Variants in CRISP3 observed in about 807,000 individuals in gnomAD.
CRISP3 encodes cysteine-rich secretory protein 3.
A neutral mutation model predicts 36.1 loss-of-function variants in CRISP3; 33 were observed. That is an observed-to-expected ratio of 0.91 (90% CI 0.69 to 1.22). CRISP3 has a LOEUF of 1.22. Among genes scored for constraint, CRISP3 ranks in the 50% most tolerant of loss-of-function variants. The probability of loss-of-function intolerance (pLI) is 0.00; values close to 1 mark genes in which losing one functional copy is unlikely to be tolerated. For missense variants in CRISP3, 330 were observed against 301.2 expected, an observed-to-expected ratio of 1.10 and a Z score of -0.71; for synonymous variants, 117 against 104.6, an observed-to-expected ratio of 1.12 and a Z score of -0.72.
In CRISP3 at chr6:49,741,967, G is replaced by A. The variant is rs1769217303; in HGVS notation, c.37+2364C>T. ...CGTAAAATTGTTATTGTTTTCAAAT[G>A]ATAAGATCATCTATCTGGAGAACAC... On this transcript the variant is annotated intron_variant, in intron 1 of 7. Transcript: ENST00000263045. Among the ~76,000 whole-genome samples, 3 of 149,902 alleles carry A rather than the reference G, an allele frequency of 2.0e-5. No homozygotes were observed. The South Asian group carries it at 6.3e-4, about 31-fold the overall frequency.
intron 4 of CRISP3, 150 bp downstream of exon 4, chr6:49,735,354 C>T (rs1228013216): frequency 3.4e-6 from 2 of 585,812 alleles, no homozygotes; most frequent in African/African-American, 3.8e-5. Flanking sequence ...TGGTGCTTCT[C>T]AGAGTTATCT....
rs144238110 is a variant in CRISP3, at chr6:49,727,455, T to G, written c.*1275A>C. ...TTGGTAAGATAGTACAGAGAATTCCTAGATAGCCCTCACCCAGTTTCAGTT... is the reference window on the plus strand; with the variant it reads ...TTGGTAAGATAGTACAGAGAATTCCGAGATAGCCCTCACCCAGTTTCAGTT... On this transcript the variant is annotated 3_prime_UTR_variant, in exon 8 of 8. Coordinates refer to ENST00000263045, the MANE Select transcript of CRISP3 (RefSeq NM_006061.4). The G allele has an allele frequency of 1.6e-3, 239 of 152,274 alleles. 2 individuals are homozygous for G. Among genetic ancestry groups the G allele is most frequent in the African/African-American group, 5.2e-3 (216 of 41,574 alleles). 9.4% of individuals were successfully genotyped at this position (152,274 alleles called of 1,614,324 possible).
chr6:49,736,258 A>G (rs1187163813), intron 3 of CRISP3, 133 bp downstream of exon 3: 4 of 666,520 alleles, frequency 6.0e-6, no homozygotes, highest in Non-Finnish European at 8.0e-6. Flanking sequence ...TGCCCATTAC[A>G]CAGCTCAAAT....
At chr6:49,735,134 AT>A (rs1769009999) in intron 4 of CRISP3, among the ~76,000 whole-genome samples, 1 of 152,162 alleles carries the variant, frequency 6.6e-6, no homozygotes, top group Non-Finnish European at 1.5e-5. Context: ...AAGGGTACTG[AT>A]TTAGAAGCCA....
At chr6:49,740,575 A>ATGTGTGTGTGTGTG (rs35601509) in intron 1 of CRISP3, among the ~76,000 whole-genome samples, 1 of 141,454 alleles carries the variant, frequency 7.1e-6, no homozygotes, top group Non-Finnish European at 1.5e-5. Context: ...GTGTATATGG[A>ATGTGTGTGTGTGTG]TGTGTGTGTG....
rs495335 is a variant in CRISP3, at chr6:49,733,810, A to G, written c.355T>C (p.Ser119Pro). 0.68 allele frequency: 1,089,366 copies of G among 1,612,774 alleles called. 369,573 individuals carry two copies. The highest frequency in any genetic ancestry group is 0.76 in the Admixed American group (45,539 of 59,990). ...CGENLYMSSA[S>P]SSWSQAIQSW... ...TGGATTGCTTGTGACCATGAGCTGG[A>G]GGCACTTGACATGTAGAGATTCTCA... The change falls in exon 5 of 8, where the codon TCC becomes CCC. Residue 119 changes from serine to proline, a missense_variant. Physicochemically the swap from Ser to Pro is moderately conservative, Grantham distance 74. Coordinates refer to ENST00000263045, the MANE Select transcript of CRISP3 (RefSeq NM_006061.4).
chr6:49,735,609 A>G lies in CRISP3; in HGVS notation c.229-18T>C. ...TTCCATTCCTGAAACAAGGACAGAA[A>G]AAAGATATCCACTTAATGTCTCAAA... On this transcript the variant is annotated intron_variant, in intron 3 of 7. Coordinates refer to ENST00000263045, the MANE Select transcript of CRISP3 (RefSeq NM_006061.4). 1 of 1,597,616 alleles carries G rather than the reference A, an allele frequency of 6.3e-7. No individual in the cohort carries two copies. Among genetic ancestry groups the G allele is most frequent in the Non-Finnish European group, 8.6e-7 (1 of 1,167,072 alleles).
At position 49,737,331 on chromosome 6, in the gene CRISP3, T is replaced by C; in HGVS notation, c.105A>G (p.Glu35=). Residue 35 remains glutamate, a synonymous_variant, in exon 2 of 8, where the codon GAA becomes GAG. Transcript: ENST00000263045. ...AGLLPSFPAN[E]DKDPAFTALL... ...TTTTTGACTTCAACCATACCTTATCTTCATTTGCTGGAAAAGATGGAAGCA... is the reference window on the plus strand; with the variant it reads ...TTTTTGACTTCAACCATACCTTATCCTCATTTGCTGGAAAAGATGGAAGCA... 1 of 1,613,774 alleles carries C rather than the reference T, an allele frequency of 6.2e-7. No homozygotes were observed. The highest frequency in any genetic ancestry group is 8.5e-7 in the Non-Finnish European group (1 of 1,179,784).
intron 1 of CRISP3, among the ~76,000 whole-genome samples, chr6:49,741,528 C>T (rs1769200961): frequency 6.7e-6 from 1 of 149,790 alleles, no homozygotes; most frequent in Non-Finnish European, 1.5e-5. Flanking sequence ...TTAGAAAATT[C>T]ATTGGTAAAA....
At chr6:49,733,328 A>G in intron 5 of CRISP3, 36 bp from the exon 6 acceptor site, 1 of 1,344,774 alleles carries the variant, frequency 7.4e-7, no homozygotes. Flanking sequence ...AGAGCACATT[A>G]GAGAAGAAGG....
rs1196427310 is a variant in CRISP3 at position 49,730,239 on chromosome 6, T to C, written c.649+924A>G. On this transcript the variant is annotated intron_variant, in intron 7 of 7. Coordinates refer to ENST00000263045, the MANE Select transcript of CRISP3 (RefSeq NM_006061.4). ...TTTATAAAAGCACAAAATGAAATTGTATGAGATATAAATTTATTTACTCCT... is the reference window on the plus strand; with the variant it reads ...TTTATAAAAGCACAAAATGAAATTGCATGAGATATAAATTTATTTACTCCT... 4.6e-5 allele frequency among the ~76,000 whole-genome samples: 7 copies of C among 152,154 alleles called. No individual in the cohort carries two copies. In the East Asian group the frequency reaches 1.3e-3, roughly 29 times the overall value.
chr6:49,733,218 G>A lies in CRISP3; in HGVS notation c.537C>T (p.Tyr179=). The A allele has an allele frequency of 6.2e-7, 1 of 1,605,452 alleles. No individual in the cohort carries two copies. The highest frequency in any genetic ancestry group is 8.5e-7 in the Non-Finnish European group (1 of 1,173,900). The change falls in exon 6 of 8, where the codon TAC becomes TAT. Residue 179 remains tyrosine (Y), a synonymous_variant. Coordinates refer to ENST00000263045, the MANE Select transcript of CRISP3 (RefSeq NM_006061.4). ...YCPNQKVLKY[Y]YVCQYCPAGN... is the part of the protein sequence containing the mutation. ...ACGCAGGACAATATTGGCAAACATA[G>A]TAGTATTTTAGAACTTTTTGATTGG...
At chr6:49,738,526 A>G (rs978020246) in intron 1 of CRISP3, among the ~76,000 whole-genome samples, 2 of 152,158 alleles carry the variant, frequency 1.3e-5, no homozygotes, top group African/African-American at 4.8e-5. Context: ...TCATCCTACA[A>G]AAGCTCTTCC....
At chr6:49,737,090 C>T (rs551770220) in intron 2 of CRISP3, among the ~76,000 whole-genome samples, 5 of 152,108 alleles carry the variant, frequency 3.3e-5, no homozygotes, top group African/African-American at 4.8e-5. Flanking sequence ...AGGCAATTTG[C>T]GGGGTGGAGC....
At chr6:49,739,525 G>A (rs1319363237) in intron 1 of CRISP3, among the ~76,000 whole-genome samples, 1 of 152,148 alleles carries the variant, frequency 6.6e-6, no homozygotes, top group Admixed American at 6.5e-5. Context: ...TATGGAGAGA[G>A]ATGGGGAAGA....
At chr6:49,743,113 C>T (rs1416721792) in intron 1 of CRISP3, among the ~76,000 whole-genome samples, 5 of 152,172 alleles carry the variant, frequency 3.3e-5, no homozygotes, top group Non-Finnish European at 5.9e-5. Flanking sequence ...TGCTAGACTT[C>T]ATCAAGTAAG....
chr6:49,740,943 T>C (rs769758335), intron 1 of CRISP3, among the ~76,000 whole-genome samples: 1 of 150,674 alleles, frequency 6.6e-6, no homozygotes, highest in Non-Finnish European at 1.5e-5. Flanking sequence ...CTACTAAAAA[T>C]ACAAAAAATT....
intron 1 of CRISP3, among the ~76,000 whole-genome samples, chr6:49,743,866 C>T (rs1308636507): frequency 6.6e-6 from 1 of 151,430 alleles, no homozygotes; most frequent in Non-Finnish European, 1.5e-5. Context: ...ACTTTTTAAT[C>T]TTGAGATCAG....
In CRISP3 at chr6:49,727,709, T is replaced by A. The variant is rs1768801354; in HGVS notation, c.*1021A>T. 1 of 152,134 alleles carries A rather than the reference T, an allele frequency of 6.6e-6. No individual in the cohort carries two copies. Among genetic ancestry groups the A allele is most frequent in the Non-Finnish European group, 1.5e-5 (1 of 67,990 alleles). 9.4% of individuals were successfully genotyped at this position (152,134 alleles called of 1,614,324 possible). On this transcript the variant is annotated 3_prime_UTR_variant, in exon 8 of 8. Coordinates refer to ENST00000263045, the MANE Select transcript of CRISP3 (RefSeq NM_006061.4). ...TCAGGATTCCCTTATTTTCCATGAT[T>A]TTTACAGTTTTGAGGAATACTCTAA...
Sources: allele counts gnomAD v4.1 joint callset (sites outside exome capture counted in the v4.1 genomes callset), GRCh38; gene constraint gnomAD v4.1.1; transcripts MANE v1.5; gene names NCBI Gene and HGNC (gene_info 2026-07-23, HGNC 2026-07-21).